The following SCMH1 variants were observed in gnomAD, a reference collection of about 807,000 sequenced individuals.
SCMH1 encodes polycomb protein SCMH1.
In SCMH1, 37 loss-of-function variants were observed where a neutral mutation model predicts 70.8. That is an observed-to-expected ratio of 0.52 (90% CI 0.40 to 0.69). The LOEUF (loss-of-function observed/expected upper bound fraction) is 0.69, where lower values mean the gene tolerates loss of function less well. Ranked by LOEUF, SCMH1 falls within the 30% of genes least tolerant of loss-of-function variation. SCMH1 has a pLI of 0.00. For synonymous variants in SCMH1, 292 were observed against 307.4 expected (o/e 0.95, Z 0.52); for missense variants, 607 against 827.3 (o/e 0.73, Z 3.27).
At chr1:41,126,744 A>G (rs1391924322) in intron 6 of SCMH1, among the ~76,000 whole-genome samples, 1 of 152,134 alleles carries the variant, frequency 6.6e-6, no homozygotes, top group African/African-American at 2.4e-5. Context: ...TCCTCATTCT[A>G]TTTTATGGTT....
At chr1:41,030,602 TCTC>T (rs1644383350) in intron 13 of SCMH1, among the ~76,000 whole-genome samples, 1 of 152,122 alleles carries the variant, frequency 6.6e-6, no homozygotes, top group Non-Finnish European at 1.5e-5. Context: ...CCTTCCCTGA[TCTC>T]CTAGTAAAAA....
chr1:41,071,927 G>A (rs1263400179), intron 9 of SCMH1, among the ~76,000 whole-genome samples: 1 of 152,204 alleles, frequency 6.6e-6, no homozygotes, highest in African/African-American at 2.4e-5. Context: ...GCCTCCCAAA[G>A]TGTTGGGATT....
chr1:41,065,865 C>T (rs368070018), intron 10 of SCMH1, among the ~76,000 whole-genome samples: 26 of 152,106 alleles, frequency 1.7e-4, no homozygotes, highest in African/African-American at 5.8e-4. Flanking sequence ...AACTCCTAGA[C>T]GATCACATAG....
chr1:41,213,989 C>T (rs2148814061), intron 1 of SCMH1, among the ~76,000 whole-genome samples: 1 of 152,174 alleles, frequency 6.6e-6, no homozygotes, highest in East Asian at 1.9e-4. Context: ...AAAGAGACTA[C>T]AGAAAAACCC....
chr1:41,196,815 T>C (rs1653128503), intron 1 of SCMH1, among the ~76,000 whole-genome samples: 2 of 152,120 alleles, frequency 1.3e-5, no homozygotes, highest in African/African-American at 4.8e-5. Flanking sequence ...TCTGTCGATA[T>C]CCAAAATATA....
intron 5 of SCMH1, among the ~76,000 whole-genome samples, chr1:41,148,311 A>G (rs1644768793): frequency 1.3e-5 from 2 of 152,226 alleles, no homozygotes; most frequent in African/African-American, 4.8e-5. Flanking sequence ...CATCTTATAT[A>G]TCTATCCTTA....
chr1:41,207,309 G>C (rs1220313305), intron 1 of SCMH1, among the ~76,000 whole-genome samples: 1 of 152,050 alleles, frequency 6.6e-6, no homozygotes, highest in Admixed American at 6.6e-5. Flanking sequence ...CACGTGCAGA[G>C]ACACACATGG....
At chr1:41,173,257 C>A (rs1015846718) in intron 2 of SCMH1, among the ~76,000 whole-genome samples, 2 of 151,904 alleles carry the variant, frequency 1.3e-5, no homozygotes, top group East Asian at 3.9e-4. Flanking sequence ...CAAAAAACTC[C>A]CCCCCAAAAC....
At chr1:41,065,690 G>C (rs556730166) in intron 10 of SCMH1, among the ~76,000 whole-genome samples, 1 of 152,172 alleles carries the variant, frequency 6.6e-6, no homozygotes, top group Admixed American at 6.5e-5. Context: ...CTTTGACAAA[G>C]GAGTAAAGGC....
chr1:41,151,755 C>T, intron 4 of SCMH1, 71 bp from the exon 5 acceptor site: 3 of 1,022,894 alleles, frequency 2.9e-6, no homozygotes, highest in East Asian at 2.5e-5. Context: ...ATAATCTACA[C>T]TAAACAGTAA....
chr1:41,143,242 T>A (rs1248216114), intron 5 of SCMH1, 130 bp from the exon 6 acceptor site: 1 of 655,848 alleles, frequency 1.5e-6, no homozygotes, highest in Non-Finnish European at 2.6e-6. Flanking sequence ...TTAAGAATGG[T>A]TTCATGCAAA....
chr1:41,211,459 C>T (rs998005455), intron 1 of SCMH1, among the ~76,000 whole-genome samples: 4 of 152,148 alleles, frequency 2.6e-5, no homozygotes, highest in Admixed American at 2.6e-4. Context: ...CAAATCAAAA[C>T]CACAATGAGA....
chr1:41,138,009 C>T (rs1283061862), intron 6 of SCMH1, among the ~76,000 whole-genome samples: 1 of 152,156 alleles, frequency 6.6e-6, no homozygotes, highest in Non-Finnish European at 1.5e-5. Flanking sequence ...TACCCTTGTC[C>T]CTTGCTTTGT....
At chr1:41,054,968 A>AATTAT (rs1395742909) in intron 10 of SCMH1, among the ~76,000 whole-genome samples, 1 of 152,118 alleles carries the variant, frequency 6.6e-6, no homozygotes, top group East Asian at 1.9e-4. Context: ...TTTGTTGTAG[A>AATTAT]GACGGGTTCT....
chr1:41,120,235 A>C (rs1671588950), intron 6 of SCMH1, among the ~76,000 whole-genome samples: 1 of 152,176 alleles, frequency 6.6e-6, no homozygotes, highest in Non-Finnish European at 1.5e-5. Flanking sequence ...TCTCATCTGA[A>C]GCTTAAGGAG....
intron 2 of SCMH1, among the ~76,000 whole-genome samples, chr1:41,174,309 C>G (rs1646974649): frequency 6.7e-6 from 1 of 149,648 alleles, no homozygotes; most frequent in Admixed American, 6.7e-5. Flanking sequence ...ACTCTGGGCT[C>G]CTTGTGCCTC....
At chr1:41,124,338 C>A (rs953397506) in intron 6 of SCMH1, among the ~76,000 whole-genome samples, 7 of 152,092 alleles carry the variant, frequency 4.6e-5, no homozygotes, top group Non-Finnish European at 8.8e-5. Flanking sequence ...AAAATATTCT[C>A]ATTTGTCCCT....
chr1:41,182,289 T>G (rs1649013247), intron 2 of SCMH1, among the ~76,000 whole-genome samples: 1 of 152,238 alleles, frequency 6.6e-6, no homozygotes, highest in Non-Finnish European at 1.5e-5. Context: ...ACATGGCACA[T>G]GTATACATAT....
At chr1:41,176,190 A>C (rs6702614) in intron 2 of SCMH1, among the ~76,000 whole-genome samples, 104 of 60,666 alleles carry the variant, frequency 1.7e-3, no homozygotes, top group African/African-American at 3.0e-3. Flanking sequence ...CAAAAAAAAC[A>C]AAAAAAAAAC....
Sources: allele counts gnomAD v4.1 joint callset (sites outside exome capture counted in the v4.1 genomes callset), GRCh38; gene constraint gnomAD v4.1.1; transcripts MANE v1.5; gene names NCBI Gene and HGNC (gene_info 2026-07-23, HGNC 2026-07-21).